Variants in BMPR1B observed in about 807,000 individuals in gnomAD.
BMPR1B encodes bone morphogenetic protein receptor type-1B.
BMPR1B carries 12 observed loss-of-function variants against 59.1 expected under a neutral mutation model. The ratio of observed to expected loss-of-function variants is 0.20; its 90% confidence interval spans 0.13 to 0.33. The LOEUF is 0.33. Among genes scored for constraint, BMPR1B ranks in the 10% least tolerant of loss-of-function variants. BMPR1B has a pLI of 1.00. For synonymous variants in BMPR1B, 237 were observed against 207.3 expected (o/e 1.14, Z -1.23); for missense variants, 550 against 610.9 (o/e 0.90, Z 1.05).
intron 3 of BMPR1B, among the ~76,000 whole-genome samples, chr4:95,083,388 A>G (rs1324387638): frequency 3.9e-5 from 6 of 152,186 alleles, no homozygotes; most frequent in Admixed American, 2.6e-4. Context: ...ACTATAATCT[A>G]TGGCTACAGG....
chr4:95,155,532 A>G lies in BMPR1B; in HGVS notation c.*859A>G, dbSNP rs893839768. On this transcript the variant is annotated 3_prime_UTR_variant, in exon 13 of 13. Transcript: ENST00000515059. The stretch of plus-strand genomic sequence containing the variant: ...TAATGTGCAGAGGATTGACCTGTGC[A>G]TGCTTTTGATCTCTCATTCAAAGGA... The G allele has an allele frequency of 9.1e-5, 10 of 109,960 alleles. No individual in the cohort carries two copies. The highest frequency in any genetic ancestry group is 3.4e-4 in the African/African-American group (9 of 26,548). 6.8% of individuals were successfully genotyped at this position (109,960 alleles called of 1,614,324 possible).
At chr4:95,056,959 A>G (rs1276754428) in intron 3 of BMPR1B, among the ~76,000 whole-genome samples, 1 of 152,240 alleles carries the variant, frequency 6.6e-6, no homozygotes, top group Non-Finnish European at 1.5e-5. Context: ...AATTAAATGA[A>G]ACCCCTTTGA....
chr4:94,786,553 T>A lies in BMPR1B; in HGVS notation c.-183+28485T>A, dbSNP rs139009932. Reference sequence around the variant, plus strand: ...TTTTTATTTATTTATTTATTTATTTTTTTGAGACGGAGTCTCGCTCTGTTG... The same window carrying A: ...TTTTTATTTATTTATTTATTTATTTATTTGAGACGGAGTCTCGCTCTGTTG... On this transcript the variant is annotated intron_variant, in intron 1 of 12. Coordinates refer to ENST00000515059, the MANE Select transcript of BMPR1B (RefSeq NM_001203.3). Among the ~76,000 whole-genome samples the A allele has an allele frequency of 1.6e-3, 244 of 152,206 alleles. 1 individual carries two copies. Among genetic ancestry groups the A allele is most frequent in the Non-Finnish European group, 2.8e-3 (189 of 68,012 alleles).
intron 2 of BMPR1B, among the ~76,000 whole-genome samples, chr4:94,883,433 A>G (rs754708834): frequency 2.0e-5 from 3 of 152,148 alleles, no homozygotes; most frequent in Non-Finnish European, 4.4e-5. Flanking sequence ...GTGATAGCTT[A>G]TTCTCCAAGG....
chr4:94,876,729 TA>T lies in BMPR1B; in HGVS notation c.-113+831del, dbSNP rs1442265020. 5.3e-5 allele frequency among the ~76,000 whole-genome samples: 8 copies of T among 152,226 alleles called. No homozygotes were observed. The South Asian group carries it at 8.3e-4, about 16-fold the overall frequency. ...TATTTGAACAATTTGAACTGGCTCA[TA>T]ATAATGATGGGAGGATGTGCTTACT... On this transcript the variant is annotated intron_variant, in intron 2 of 12. Transcript: ENST00000515059.
At chr4:94,851,801 C>A (rs13149762) in intron 1 of BMPR1B, among the ~76,000 whole-genome samples, 2 of 151,948 alleles carry the variant, frequency 1.3e-5, no homozygotes, top group Admixed American at 1.3e-4. Flanking sequence ...AAACACTATG[C>A]AAATAAAATA....
At chr4:95,068,280 G>C (rs1728005002) in intron 3 of BMPR1B, among the ~76,000 whole-genome samples, 1 of 152,060 alleles carries the variant, frequency 6.6e-6, no homozygotes, top group African/African-American at 2.4e-5. Context: ...AGTTAATTAA[G>C]ACAAAACTAT....
At chr4:95,000,372 T>C (rs1324728395) in intron 3 of BMPR1B, among the ~76,000 whole-genome samples, 3 of 152,130 alleles carry the variant, frequency 2.0e-5, no homozygotes, top group Non-Finnish European at 4.4e-5. Context: ...CCCATATAAC[T>C]ATCCTGTGTT....
chr4:94,784,240 C>T (rs1283659529), intron 1 of BMPR1B, among the ~76,000 whole-genome samples: 1 of 151,994 alleles, frequency 6.6e-6, no homozygotes, highest in Admixed American at 6.6e-5. Context: ...ATTTTATTTC[C>T]TATTGTCAAT....
chr4:95,126,706 T>C (rs1244525479), intron 8 of BMPR1B, among the ~76,000 whole-genome samples: 2 of 152,090 alleles, frequency 1.3e-5, no homozygotes, highest in Non-Finnish European at 2.9e-5. Context: ...GGAAGGAGGG[T>C]TCTATAAAAC....
At chr4:95,012,213 C>T (rs1723274011) in intron 3 of BMPR1B, among the ~76,000 whole-genome samples, 1 of 152,044 alleles carries the variant, frequency 6.6e-6, no homozygotes, top group Non-Finnish European at 1.5e-5. Context: ...TGAGATGTCC[C>T]CTTTGAAATT....
chr4:94,917,260 G>A (rs1363992073), intron 2 of BMPR1B, among the ~76,000 whole-genome samples: 1 of 152,198 alleles, frequency 6.6e-6, no homozygotes, highest in African/African-American at 2.4e-5. Context: ...ACTGTCTAGT[G>A]AGACTGTAAG....
At chr4:94,991,518 A>G (rs938255126) in intron 2 of BMPR1B, among the ~76,000 whole-genome samples, 6 of 152,198 alleles carry the variant, frequency 3.9e-5, no homozygotes, top group African/African-American at 1.4e-4. Flanking sequence ...CTTTGCTGAG[A>G]AGGTGCACTT....
chr4:94,842,917 A>T (rs1310122358), intron 1 of BMPR1B, among the ~76,000 whole-genome samples: 1 of 151,682 alleles, frequency 6.6e-6, no homozygotes, highest in Non-Finnish European at 1.5e-5. Flanking sequence ...CACTGTGTGT[A>T]TGCATGTATG....
intron 3 of BMPR1B, among the ~76,000 whole-genome samples, chr4:95,044,020 T>C (rs1725859412): frequency 6.6e-6 from 1 of 152,236 alleles, no homozygotes; most frequent in Non-Finnish European, 1.5e-5. Flanking sequence ...AGTATGATTG[T>C]TATAAAAGAA....
chr4:94,890,791 A>G (rs1727362983), intron 2 of BMPR1B, among the ~76,000 whole-genome samples: 1 of 151,884 alleles, frequency 6.6e-6, no homozygotes, highest in Admixed American at 6.6e-5. Flanking sequence ...CACTAATCCC[A>G]TCATGAGGGC....
At chr4:95,147,072 ATTACACTT>A (rs1240329067) in intron 10 of BMPR1B, among the ~76,000 whole-genome samples, 2 of 152,188 alleles carry the variant, frequency 1.3e-5, no homozygotes, top group Non-Finnish European at 2.9e-5. Context: ...TTGTTTTTTA[ATTACACTT>A]TAACTTTTTT....
intron 2 of BMPR1B, among the ~76,000 whole-genome samples, chr4:94,981,005 A>ACGCGCGCGTACGCGCGTG (rs34635740): frequency 1.6e-5 from 2 of 122,710 alleles, no homozygotes; most frequent in African/African-American, 6.7e-5. Flanking sequence ...ACACACACAC[A>ACGCGCGCGTACGCGCGTG]CACACACACA....
In BMPR1B at chr4:94,914,857, A is replaced by G. The variant is rs550429263; in HGVS notation, c.-113+38957A>G. ...TCATCTCATTTTGACTAAGTAGTCA[A>G]CAACTCTCTCTCCTGTTAGAATTGT... On this transcript the variant is annotated intron_variant, in intron 2 of 12. Coordinates refer to ENST00000515059, the MANE Select transcript of BMPR1B (RefSeq NM_001203.3). Among the ~76,000 whole-genome samples, 3 of 152,288 alleles carry G rather than the reference A, an allele frequency of 2.0e-5. No homozygotes were observed. The South Asian group carries it at 6.2e-4, about 32-fold the overall frequency.
Sources: allele counts gnomAD v4.1 joint callset (sites outside exome capture counted in the v4.1 genomes callset), GRCh38; gene constraint gnomAD v4.1.1; transcripts MANE v1.5; gene names NCBI Gene and HGNC (gene_info 2026-07-23, HGNC 2026-07-21).